Variants in ACOT13 observed in about 807,000 individuals in gnomAD.
ACOT13 encodes acyl-coenzyme A thioesterase 13.
In ACOT13, 10 loss-of-function variants were observed where a neutral mutation model predicts 11.8. The observed-to-expected ratio is 0.85, with a 90% CI of 0.53 to 1.44. The LOEUF is 1.44. Ranked by LOEUF, ACOT13 falls within the 40% of genes most tolerant of loss-of-function variation. ACOT13 has a pLI of 0.00. For synonymous variants in ACOT13, 53 were observed against 61.0 expected, an observed-to-expected ratio of 0.87 and a Z score of 0.61; for missense variants, 172 against 174.1, an observed-to-expected ratio of 0.99 and a Z score of 0.07.
chr6:24,699,036 C>CAATA (rs1778847071), intron 2 of ACOT13, among the ~76,000 whole-genome samples: 1 of 152,112 alleles, frequency 6.6e-6, no homozygotes, highest in East Asian at 1.9e-4. Flanking sequence ...AACTCAATTC[C>CAATA]AACATAAACT....
rs554596295 is a variant in ACOT13, at chr6:24,672,329, T to C, written c.81+4985T>C. On this transcript the variant is annotated intron_variant, in intron 1 of 2. Transcript: ENST00000230048. Reference sequence around the variant, plus strand: ...AAAATTTTATAAACAATCTATAAAATTTTAAACTTGACCATAAGATATAAT... The same window carrying C: ...AAAATTTTATAAACAATCTATAAAACTTTAAACTTGACCATAAGATATAAT... 4.6e-5 allele frequency among the ~76,000 whole-genome samples: 7 copies of C among 152,340 alleles called. No homozygotes were observed. In the South Asian group the frequency reaches 1.4e-3, roughly 32 times the overall value.
chr6:24,698,757 C>T (rs1778840241), intron 2 of ACOT13, among the ~76,000 whole-genome samples: 1 of 151,846 alleles, frequency 6.6e-6, no homozygotes, highest in Admixed American at 6.6e-5. Flanking sequence ...CCTGCCTCAG[C>T]CTCCCTAGTA....
intron 1 of ACOT13, among the ~76,000 whole-genome samples, chr6:24,686,282 T>C (rs1489247492): frequency 2.0e-5 from 3 of 152,184 alleles, no homozygotes; most frequent in Non-Finnish European, 4.4e-5. Context: ...TGTATCCTTT[T>C]TTAAAAATTT....
At chr6:24,699,371 G>A (rs532399642) in intron 2 of ACOT13, among the ~76,000 whole-genome samples, 387 of 151,980 alleles carry the variant, frequency 2.5e-3, no homozygotes, top group African/African-American at 8.8e-3. Flanking sequence ...CACCATGCCC[G>A]ACTAATTTGT....
In ACOT13 at chr6:24,697,951, T is replaced by G; in HGVS notation, c.150T>G (p.Asn50Lys). 6.2e-7 allele frequency: 1 copy of G among 1,613,900 alleles called. No individual in the cohort carries two copies. The highest frequency in any genetic ancestry group is 2.2e-5 in the East Asian group (1 of 44,872). ...TGAAAGTAGAAGAAGAGCATACCAATGCAATAGGCACTCTCCACGGCGGTT... is the reference window on the plus strand; with the variant it reads ...TGAAAGTAGAAGAAGAGCATACCAAGGCAATAGGCACTCTCCACGGCGGTT... ...CEMKVEEEHT[N>K]AIGTLHGGLT... Residue 50 changes from asparagine (N) to lysine (K), a missense_variant, in exon 2 of 3, where the codon AAT (asparagine) becomes AAG (lysine). Transcript: ENST00000230048.
chr6:24,698,593 C>T (rs1778836865), intron 2 of ACOT13, among the ~76,000 whole-genome samples: 2 of 151,578 alleles, frequency 1.3e-5, no homozygotes, highest in Admixed American at 1.3e-4. Context: ...AGTTAGAGTT[C>T]ATATACACAT....
intron 1 of ACOT13, among the ~76,000 whole-genome samples, chr6:24,670,368 A>G (rs1778340499): frequency 5.3e-5 from 8 of 152,190 alleles, no homozygotes; most frequent in Admixed American, 5.2e-4. Flanking sequence ...TTGATGTTCC[A>G]TGATAAACCA....
intron 2 of ACOT13, among the ~76,000 whole-genome samples, chr6:24,699,421 A>G (rs1345273652): frequency 2.0e-5 from 3 of 152,154 alleles, no homozygotes; most frequent in Non-Finnish European, 4.4e-5. Context: ...CGTGTTAGCC[A>G]GGCTGGTCTC....
intron 2 of ACOT13, 185 bp from the exon 3 acceptor site, chr6:24,701,274 A>T: frequency 2.5e-6 from 1 of 404,548 alleles, no homozygotes; most frequent in East Asian, 3.8e-5. Context: ...GTGGGTAAGG[A>T]ATGGGTAAAA....
intron 1 of ACOT13, among the ~76,000 whole-genome samples, chr6:24,689,398 G>A (rs1419894710): frequency 1.3e-5 from 2 of 151,950 alleles, no homozygotes; most frequent in Admixed American, 1.3e-4. Context: ...TCTCCTTTTG[G>A]GTCACTTAAG....
At chr6:24,684,618 A>T (rs1205262275) in intron 1 of ACOT13, among the ~76,000 whole-genome samples, 1 of 152,266 alleles carries the variant, frequency 6.6e-6, no homozygotes, top group Non-Finnish European at 1.5e-5. Flanking sequence ...GTAAGCTACA[A>T]TGTGAGTGAT....
At chr6:24,674,374 G>A (rs187415642) in intron 1 of ACOT13, among the ~76,000 whole-genome samples, 1 of 150,912 alleles carries the variant, frequency 6.6e-6, no homozygotes, top group Non-Finnish European at 1.5e-5. Flanking sequence ...CTTTGAATTA[G>A]ACAAAACTTG....
In ACOT13 at chr6:24,667,108, A is replaced by T. The variant is rs1432498551; in HGVS notation, c.-156A>T. 1 of 870,314 alleles carries T rather than the reference A, an allele frequency of 1.1e-6. No homozygotes were observed. The highest frequency in any genetic ancestry group is 1.7e-5 in the African/African-American group (1 of 58,914). The allele number at this position is 870,314 out of a possible 1,614,324, so 53.9% of individuals were successfully genotyped here. A position where few individuals can be genotyped will look rare whatever the true frequency, so the allele number is the denominator to read the frequency against. On this transcript the variant is annotated 5_prime_UTR_variant, in exon 1 of 3. Transcript: ENST00000230048. ...CAAATCGCGGACCACCGGGGCTGCC[A>T]GCTCGCCTGACTCCCGGCCTCTTGC...
At chr6:24,671,937 C>T (rs2127621223) in intron 1 of ACOT13, among the ~76,000 whole-genome samples, 1 of 152,344 alleles carries the variant, frequency 6.6e-6, no homozygotes, top group East Asian at 1.9e-4. Context: ...ACAAATACAT[C>T]TCAAAGAAAG....
chr6:24,688,999 T>A (rs984561673), intron 1 of ACOT13, among the ~76,000 whole-genome samples: 1 of 152,026 alleles, frequency 6.6e-6, no homozygotes, highest in Non-Finnish European at 1.5e-5. Context: ...GCACTGTGAG[T>A]CTGGCTAATG....
chr6:24,693,976 G>A (rs1352730560), intron 1 of ACOT13, among the ~76,000 whole-genome samples: 1 of 152,012 alleles, frequency 6.6e-6, no homozygotes, highest in African/African-American at 2.4e-5. Context: ...TGCCTGCCTC[G>A]GCCTCCCAAA....
In ACOT13 at chr6:24,685,485, T is replaced by C. The variant is rs1012899874; in HGVS notation, c.82-12398T>C. 2.6e-5 allele frequency among the ~76,000 whole-genome samples: 4 copies of C among 152,048 alleles called. No homozygotes were observed. The South Asian group carries it at 6.2e-4, about 24-fold the overall frequency. On this transcript the variant is annotated intron_variant, in intron 1 of 2. Coordinates refer to ENST00000230048, the MANE Select transcript of ACOT13 (RefSeq NM_018473.4). ...CCTCAGCCTCCCGAGTAGCTGGGACTACAGGCGCCTGCCACCACGCCCGGC... is the reference window on the plus strand; with the variant it reads ...CCTCAGCCTCCCGAGTAGCTGGGACCACAGGCGCCTGCCACCACGCCCGGC...
At chr6:24,677,856 G>T (rs947219769) in intron 1 of ACOT13, among the ~76,000 whole-genome samples, 7 of 152,180 alleles carry the variant, frequency 4.6e-5, no homozygotes, top group African/African-American at 1.7e-4. Flanking sequence ...GCCAGTATAG[G>T]CTGGATACGT....
At chr6:24,684,393 C>T (rs1407209885) in intron 1 of ACOT13, among the ~76,000 whole-genome samples, 2 of 152,190 alleles carry the variant, frequency 1.3e-5, no homozygotes, top group Non-Finnish European at 2.9e-5. Flanking sequence ...TGTGTATCTT[C>T]TTGTGATAAT....
Sources: allele counts gnomAD v4.1 joint callset (sites outside exome capture counted in the v4.1 genomes callset), GRCh38; gene constraint gnomAD v4.1.1; transcripts MANE v1.5; gene names NCBI Gene and HGNC (gene_info 2026-07-23, HGNC 2026-07-21).